Variants in DZIP3 observed in about 807,000 individuals in gnomAD.
DZIP3 encodes DAZ interacting zinc finger protein 3.
DZIP3 carries 118 observed loss-of-function variants against 162.0 expected under a neutral mutation model. The ratio of observed to expected loss-of-function variants is 0.73; its 90% CI spans 0.63 to 0.85. The LOEUF (loss-of-function observed/expected upper bound fraction) is 0.85, where lower values mean the gene tolerates loss of function less well. Ranked by LOEUF, DZIP3 falls within the 40% of genes least tolerant of loss-of-function variation. DZIP3 has a pLI of 0.00. For synonymous variants in DZIP3, 438 were observed against 458.6 expected (o/e 0.96, Z 0.57); for missense variants, 1,331 against 1,407.0 (o/e 0.95, Z 0.86).
intron 5 of DZIP3, among the ~76,000 whole-genome samples, chr3:108,619,344 AACAT>A (rs139690955): frequency 0.042 from 6,336 of 150,914 alleles, 478 homozygotes; most frequent in African/African-American, 0.15. Context: ...ATATACATAA[AACAT>A]ACAAATACTT....
At chr3:108,605,494 A>G (rs769253220) in intron 2 of DZIP3, 56 bp downstream of exon 2, 39 of 1,566,208 alleles carry the variant, frequency 2.5e-5, no homozygotes, top group Non-Finnish European at 3.0e-5. Context: ...GTGGAAAACA[A>G]TTTTTCCACG....
chr3:108,603,979 CT>C (rs529348872), intron 1 of DZIP3, among the ~76,000 whole-genome samples: 7 of 151,920 alleles, frequency 4.6e-5, no homozygotes, highest in African/African-American at 1.7e-4. Flanking sequence ...TGGTAAATTG[CT>C]TTTTTTGGTG....
In DZIP3 at chr3:108,687,980, G is replaced by T; in HGVS notation, c.3154G>T (p.Glu1052Ter). Reference protein sequence around the residue: ...KTAFPQQTRKELTDFLRKLKD... With the variant: ...KTAFPQQTRK ...CCTTTCCTTGATCTCTTGCAGAAAG[G>T]AACTTACAGATTTCTTACGGAAATT... is the stretch of plus-strand genomic sequence containing the variant. The change falls in exon 29 of 33, where the codon GAA becomes TAA. Residue 1052 changes from glutamate to a stop codon, truncating the protein, a stop_gained. Transcript: ENST00000361582. LOFTEE classifies it high-confidence loss of function. 6.2e-7 allele frequency: 1 copy of T among 1,613,424 alleles called. No individual in the cohort carries two copies. Among genetic ancestry groups the T allele is most frequent in the East Asian group, 2.2e-5 (1 of 44,744 alleles).
At chr3:108,650,556 A>G (rs970619879) in intron 17 of DZIP3, among the ~76,000 whole-genome samples, 1 of 151,762 alleles carries the variant, frequency 6.6e-6, no homozygotes, top group Non-Finnish European at 1.5e-5. Context: ...TTTATTTGGT[A>G]TGTTGCCTTT....
At chr3:108,690,105 T>A (rs760137377) in intron 31 of DZIP3, among the ~76,000 whole-genome samples, 1 of 152,240 alleles carries the variant, frequency 6.6e-6, no homozygotes, top group Non-Finnish European at 1.5e-5. Flanking sequence ...ACAAAACTTA[T>A]CCTACTCTTT....
At chr3:108,599,384 C>T (rs1939873443) in intron 1 of DZIP3, among the ~76,000 whole-genome samples, 1 of 151,974 alleles carries the variant, frequency 6.6e-6, no homozygotes, top group Admixed American at 6.6e-5. Context: ...GTAGCTTTAC[C>T]AGGAAGTTAA....
intron 18 of DZIP3, among the ~76,000 whole-genome samples, chr3:108,652,851 A>T (rs1264648978): frequency 1.3e-5 from 2 of 151,960 alleles, no homozygotes; most frequent in Non-Finnish European, 2.9e-5. Flanking sequence ...ATATGCTGTA[A>T]CAGGTTTGTA....
chr3:108,651,035 T>C, intron 17 of DZIP3, 102 bp from the exon 18 acceptor site: 1 of 404,040 alleles, frequency 2.5e-6, no homozygotes, highest in Non-Finnish European at 4.0e-6. Context: ...TTAGTTATGA[T>C]CAAAAATTTT....
chr3:108,670,681 A>G (rs2107345214), intron 22 of DZIP3, among the ~76,000 whole-genome samples: 1 of 151,996 alleles, frequency 6.6e-6, no homozygotes, highest in African/African-American at 2.4e-5. Flanking sequence ...TTTATGTTTA[A>G]CTTTTTGAGG....
chr3:108,663,687 G>C (rs1274562032), intron 21 of DZIP3, among the ~76,000 whole-genome samples: 1 of 152,124 alleles, frequency 6.6e-6, no homozygotes, highest in African/African-American at 2.4e-5. Flanking sequence ...ATGCAGATGA[G>C]CTACCTCTCT....
intron 7 of DZIP3, among the ~76,000 whole-genome samples, chr3:108,628,523 G>A (rs1941688814): frequency 6.6e-6 from 1 of 152,110 alleles, no homozygotes; most frequent in African/African-American, 2.4e-5. Context: ...GTCTAGAGGA[G>A]GTTCTTTTGA....
chr3:108,681,994 G>T lies in DZIP3; in HGVS notation c.2884-2222G>T, dbSNP rs1006921228. Among the ~76,000 whole-genome samples, 24 of 150,350 alleles carry T rather than the reference G, an allele frequency of 1.6e-4. 2 individuals carry two copies. Among genetic ancestry groups the T allele is most frequent in the African/African-American group, 5.8e-4 (23 of 39,818 alleles). On this transcript the variant is annotated intron_variant, in intron 26 of 32. Coordinates refer to ENST00000361582, the MANE Select transcript of DZIP3 (RefSeq NM_014648.4). ...CCTAATGTAGATGACGGGTTGATGG[G>T]TGCAGCAAACCACCATGGCACATGT...
chr3:108,621,458 C>A (rs1456731992), intron 5 of DZIP3, among the ~76,000 whole-genome samples: 1 of 152,146 alleles, frequency 6.6e-6, no homozygotes, highest in Non-Finnish European at 1.5e-5. Flanking sequence ...TATACTGTTT[C>A]TTATTTTAAA....
intron 21 of DZIP3, among the ~76,000 whole-genome samples, chr3:108,666,890 G>C (rs1271615737): frequency 5.9e-5 from 9 of 152,114 alleles, no homozygotes; most frequent in Non-Finnish European, 1.0e-4. Flanking sequence ...GCAGTGCTGA[G>C]ATTATAACAC....
chr3:108,648,254 T>G (rs914123667), intron 16 of DZIP3, 142 bp downstream of exon 16: 26 of 701,422 alleles, frequency 3.7e-5, no homozygotes, highest in Admixed American at 1.2e-4. Flanking sequence ...GGAATGGTCC[T>G]TTCCTTCCTT....
At chr3:108,611,035 T>C (rs1191024010) in intron 3 of DZIP3, 139 bp from the exon 4 acceptor site, 1 of 726,658 alleles carries the variant, frequency 1.4e-6, no homozygotes, top group Non-Finnish European at 2.2e-6. Context: ...CCTTAGATTT[T>C]TTATAATTCT....
rs1444032162 is a variant in DZIP3 at position 108,605,350 on chromosome 3, T to A, written c.-57T>A. On this transcript the variant is annotated 5_prime_UTR_variant, in exon 2 of 33. Transcript: ENST00000361582. ...TTCCTTACAGCATTAAAGGGCAGTA[T>A]TTAAAGTCAGTTGGCAAGCAGTGGA... 1.9e-6 allele frequency: 3 copies of A among 1,611,292 alleles called. No homozygotes were observed. Among genetic ancestry groups the A allele is most frequent in the Non-Finnish European group, 2.5e-6 (3 of 1,178,202 alleles).
chr3:108,676,050 T>C (rs1404789191), intron 25 of DZIP3, among the ~76,000 whole-genome samples, 177 bp downstream of exon 25: 1 of 152,122 alleles, frequency 6.6e-6, no homozygotes. Flanking sequence ...CATCCTAGAC[T>C]CACACGTGTA....
chr3:108,624,503 C>A lies in DZIP3; in HGVS notation c.435C>A (p.Leu145=). Residue 145 remains leucine, a synonymous_variant, in exon 6 of 33, where the codon CTC becomes CTA. Transcript: ENST00000361582. Reference sequence around the variant, plus strand: ...TACTGTTTTTATATGGAGTAGCACTCACTGAAAGAGGAAAGAAAGAGGTAT... The same window carrying A: ...TACTGTTTTTATATGGAGTAGCACTAACTGAAAGAGGAAAGAAAGAGGTAT... ...LTLLFLYGVA[L]TERGKKEDYT... is the part of the protein sequence containing the mutation. The A allele has an allele frequency of 6.3e-7, 1 of 1,582,586 alleles. No individual in the cohort carries two copies. The highest frequency in any genetic ancestry group is 8.6e-7 in the Non-Finnish European group (1 of 1,160,270).
Sources: allele counts gnomAD v4.1 joint callset (sites outside exome capture counted in the v4.1 genomes callset), GRCh38; gene constraint gnomAD v4.1.1; transcripts MANE v1.5; gene names NCBI Gene and HGNC (gene_info 2026-07-23, HGNC 2026-07-21).